RALYL: variants seen among roughly 807,000 people sequenced by gnomAD.
RALYL encodes RALY RNA binding protein like.
A neutral mutation model predicts 35.1 loss-of-function variants in RALYL; 29 were observed. That is an observed-to-expected ratio of 0.83 (90% CI 0.61 to 1.13). The LOEUF (loss-of-function observed/expected upper bound fraction) is 1.13, where lower values mean the gene tolerates loss of function less well. RALYL is among the 50% of genes most tolerant of loss of function. RALYL has a pLI of 0.00. For synonymous variants in RALYL, 120 were observed against 127.6 expected (o/e 0.94, Z 0.40); for missense variants, 359 against 360.4 (o/e 1.00, Z 0.03).
chr8:84,901,953 T>C (rs1845768472), intron 8 of RALYL, among the ~76,000 whole-genome samples: 1 of 152,112 alleles, frequency 6.6e-6, no homozygotes, highest in South Asian at 2.1e-4. Context: ...TGGAGAAGGG[T>C]GGTTCTTTGC....
chr8:84,458,521 A>T lies in RALYL; in HGVS notation c.-23-70778A>T, dbSNP rs550927567. Among the ~76,000 whole-genome samples the T allele has an allele frequency of 2.9e-4, 44 of 151,918 alleles. No individual in the cohort carries two copies. In the South Asian group the frequency reaches 8.7e-3, roughly 30 times the overall value. ...TATTTCAAATTTGGACTCACATGAT[A>T]CTGTGATATGCTTTCCCCTAATTAC... On this transcript the variant is annotated intron_variant, in intron 1 of 8. Transcript: ENST00000521268.
chr8:84,454,579 C>T (rs956601977), intron 1 of RALYL, among the ~76,000 whole-genome samples: 5 of 152,066 alleles, frequency 3.3e-5, no homozygotes, highest in African/African-American at 4.8e-5. Context: ...GTTAAAACTA[C>T]GAGCTAGGGG....
intron 2 of RALYL, among the ~76,000 whole-genome samples, chr8:84,631,053 G>A (rs1018385425): frequency 6.6e-6 from 1 of 151,968 alleles, no homozygotes; most frequent in African/African-American, 2.4e-5. Flanking sequence ...TAGAAACATC[G>A]TGGAAGAAAA....
intron 8 of RALYL, among the ~76,000 whole-genome samples, chr8:84,909,100 C>T (rs1414510750): frequency 3.3e-5 from 5 of 152,140 alleles, no homozygotes; most frequent in African/African-American, 9.7e-5. Flanking sequence ...CTCACCTGGG[C>T]TCTGTCTGTG....
intron 1 of RALYL, among the ~76,000 whole-genome samples, chr8:84,458,920 T>G (rs147720605): frequency 6.6e-6 from 1 of 151,840 alleles, no homozygotes; most frequent in East Asian, 1.9e-4. Flanking sequence ...ATGTATGTAC[T>G]TTTTTATTTA....
intron 1 of RALYL, among the ~76,000 whole-genome samples, chr8:84,378,077 A>T (rs1857276902): frequency 1.3e-5 from 2 of 151,928 alleles, no homozygotes; most frequent in Non-Finnish European, 2.9e-5. Flanking sequence ...GGATAGATAA[A>T]CTACGTTTTA....
At chr8:84,810,510 C>T (rs545120565) in intron 4 of RALYL, among the ~76,000 whole-genome samples, 1 of 152,152 alleles carries the variant, frequency 6.6e-6, no homozygotes, top group South Asian at 2.1e-4. Flanking sequence ...CCATTTGTTC[C>T]AAGGTAAACT....
chr8:84,731,046 C>G (rs1423700875), intron 2 of RALYL, among the ~76,000 whole-genome samples: 3 of 152,064 alleles, frequency 2.0e-5, no homozygotes, highest in Admixed American at 6.6e-5. Flanking sequence ...GGGGCAGAAA[C>G]ATTTTTTTGG....
At chr8:84,651,410 G>A (rs1409673473) in intron 2 of RALYL, among the ~76,000 whole-genome samples, 1 of 151,702 alleles carries the variant, frequency 6.6e-6, no homozygotes, top group African/African-American at 2.4e-5. Context: ...AAGCAGTGAA[G>A]ATAAAATACT....
intron 1 of RALYL, among the ~76,000 whole-genome samples, chr8:84,231,757 A>G (rs1825416394): frequency 6.6e-6 from 1 of 152,198 alleles, no homozygotes; most frequent in South Asian, 2.1e-4. Context: ...ACTCTTTCAA[A>G]GTAGTCATTA....
At chr8:84,254,329 A>G (rs551616102) in intron 1 of RALYL, among the ~76,000 whole-genome samples, 10 of 152,260 alleles carry the variant, frequency 6.6e-5, no homozygotes, top group Admixed American at 3.3e-4. Flanking sequence ...GTACCACTCT[A>G]ACTGAAGCAA....
chr8:84,724,961 A>G (rs1844659958), intron 2 of RALYL, among the ~76,000 whole-genome samples: 1 of 151,666 alleles, frequency 6.6e-6, no homozygotes, highest in African/African-American at 2.4e-5. Flanking sequence ...GCAATCACTA[A>G]TTAATTATGA....
chr8:84,689,469 G>T (rs1468568945), intron 2 of RALYL, among the ~76,000 whole-genome samples: 1 of 152,126 alleles, frequency 6.6e-6, no homozygotes, highest in African/African-American at 2.4e-5. Context: ...TCTTAATCCA[G>T]TCTATCATTG....
intron 1 of RALYL, among the ~76,000 whole-genome samples, chr8:84,368,342 C>G (rs1015993632): frequency 6.6e-6 from 1 of 152,076 alleles, no homozygotes; most frequent in Non-Finnish European, 1.5e-5. Flanking sequence ...TGATAATGTA[C>G]TATTATAATT....
Position 84,624,167 on chromosome 8 carries a change from G to A in RALYL, c.256+94590G>A, listed in dbSNP as rs1219575994. On this transcript the variant is annotated intron_variant, in intron 2 of 8. Coordinates refer to ENST00000521268, the MANE Select transcript of RALYL (RefSeq NM_173848.7). Reference sequence around the variant, plus strand: ...AGCAATGAGCAGCTTAGTTTTTCAAGGACAGCCCTTTCTGTGTTTAGACAT... The same window carrying A: ...AGCAATGAGCAGCTTAGTTTTTCAAAGACAGCCCTTTCTGTGTTTAGACAT... 2.6e-5 allele frequency among the ~76,000 whole-genome samples: 4 copies of A among 152,126 alleles called. No individual in the cohort carries two copies. The East Asian group carries it at 7.7e-4, about 29-fold the overall frequency.
At chr8:84,671,256 A>G (rs896588858) in intron 2 of RALYL, among the ~76,000 whole-genome samples, 4 of 152,138 alleles carry the variant, frequency 2.6e-5, no homozygotes, top group African/African-American at 9.7e-5. Context: ...TTTGCGGGAT[A>G]CAGCCCTCCC....
chr8:84,585,936 C>T (rs956134244), intron 2 of RALYL, among the ~76,000 whole-genome samples: 1 of 152,100 alleles, frequency 6.6e-6, no homozygotes, highest in African/African-American at 2.4e-5. Context: ...GTGGCTCATG[C>T]TTGTAATCCC....
At chr8:84,422,431 TTCTC>T (rs1183458682) in intron 1 of RALYL, among the ~76,000 whole-genome samples, 34 of 134,224 alleles carry the variant, frequency 2.5e-4, no homozygotes, top group Middle Eastern at 3.6e-3. Flanking sequence ...TATTTGATTC[TTCTC>T]TCTTTTTTTC....
intron 2 of RALYL, among the ~76,000 whole-genome samples, chr8:84,687,040 T>C (rs1836950435): frequency 6.6e-6 from 1 of 152,212 alleles, no homozygotes; most frequent in African/African-American, 2.4e-5. Context: ...GGCAACTTCA[T>C]GAATTCTAAT....
Sources: gnomAD v4.1 joint callset for allele counts (sites outside exome capture counted in the v4.1 genomes callset) on GRCh38, gnomAD v4.1.1 for gene constraint, MANE v1.5 for transcripts, NCBI Gene and HGNC (gene_info 2026-07-23, HGNC 2026-07-21) for gene names.